GRB14: variants seen among roughly 807,000 people sequenced by gnomAD.
GRB14 encodes the protein growth factor receptor-bound protein 14.
Under a neutral mutation model 69.1 loss-of-function variants are expected in GRB14, and 38 were observed. The ratio of observed to expected loss-of-function variants is 0.55; its 90% CI spans 0.42 to 0.72. The LOEUF (loss-of-function observed/expected upper bound fraction) is 0.72. Among genes scored for constraint, GRB14 ranks in the 30% least tolerant of loss-of-function variants. The pLI, the probability that GRB14 is intolerant of heterozygous loss-of-function variation, is 0.00. For missense variants in GRB14, 666 were observed against 666.1 expected, an observed-to-expected ratio of 1.00 and a Z score of 0.00; for synonymous variants, 247 against 241.3, an observed-to-expected ratio of 1.02 and a Z score of -0.22.
In GRB14 at chr2:164,608,965, A is replaced by C. The variant is rs1690104164; in HGVS notation, c.324+10722T>G. ...AGAGTTTATCGTATGATTTGCCAAA[A>C]TAGTAAGTACAATATTGAATAACAC... is the stretch of plus-strand genomic sequence containing the variant. On this transcript the variant is annotated intron_variant, in intron 2 of 13. Coordinates refer to ENST00000263915, the MANE Select transcript of GRB14 (RefSeq NM_004490.3). Among the ~76,000 whole-genome samples, 5 of 152,378 alleles carry C rather than the reference A, an allele frequency of 3.3e-5. No individual in the cohort carries two copies. In the South Asian group the frequency reaches 1.0e-3, roughly 32 times the overall value.
chr2:164,611,518 G>A (rs1690166550), intron 2 of GRB14, among the ~76,000 whole-genome samples: 1 of 151,502 alleles, frequency 6.6e-6, no homozygotes, highest in Admixed American at 6.6e-5. Flanking sequence ...AGAATTCAGA[G>A]GTTACGACCA....
chr2:164,494,183 A>G (rs1686832757), intron 13 of GRB14, among the ~76,000 whole-genome samples: 1 of 152,194 alleles, frequency 6.6e-6, no homozygotes. Context: ...TCTATACAAT[A>G]TTGCTAAATC....
intron 8 of GRB14, among the ~76,000 whole-genome samples, chr2:164,503,045 G>A (rs953486738): frequency 2.0e-5 from 3 of 151,660 alleles, no homozygotes; most frequent in African/African-American, 7.3e-5. Context: ...AAACCGGTCT[G>A]GATTATAACT....
intron 6 of GRB14, 134 bp from the exon 7 acceptor site, chr2:164,508,986 G>A: frequency 4.5e-6 from 2 of 447,130 alleles, no homozygotes; most frequent in Non-Finnish European, 7.6e-6. Flanking sequence ...AAAATAAAAG[G>A]AGAAAAAAAA....
chr2:164,510,836 G>C (rs1294221864), intron 6 of GRB14, among the ~76,000 whole-genome samples: 2 of 152,134 alleles, frequency 1.3e-5, no homozygotes, highest in African/African-American at 2.4e-5. Context: ...TACTCCCTGG[G>C]GACTTCATAT....
intron 3 of GRB14, among the ~76,000 whole-genome samples, chr2:164,545,101 T>C (rs1009886695): frequency 2.6e-5 from 4 of 152,196 alleles, no homozygotes; most frequent in Non-Finnish European, 4.4e-5. Flanking sequence ...TGCTAGAAAG[T>C]AAATGACTCT....
chr2:164,608,540 T>C (rs1482368711), intron 2 of GRB14, among the ~76,000 whole-genome samples: 1 of 150,832 alleles, frequency 6.6e-6, no homozygotes, highest in East Asian at 1.9e-4. Context: ...TAACCCCTTA[T>C]ATATCCCAGT....
At chr2:164,514,538 C>T (rs941519121) in intron 6 of GRB14, among the ~76,000 whole-genome samples, 1 of 152,062 alleles carries the variant, frequency 6.6e-6, no homozygotes, top group African/African-American at 2.4e-5. Context: ...GCAGGAAGAG[C>T]CTGTGGGCAC....
At chr2:164,601,707 C>T (rs1689918084) in intron 2 of GRB14, among the ~76,000 whole-genome samples, 3 of 152,130 alleles carry the variant, frequency 2.0e-5, no homozygotes, top group South Asian at 2.1e-4. Flanking sequence ...ATCTTAGAAA[C>T]TGTGTCATCA....
chr2:164,520,553 A>T (rs1197760129), intron 6 of GRB14, among the ~76,000 whole-genome samples: 3 of 152,186 alleles, frequency 2.0e-5, no homozygotes, highest in African/African-American at 7.2e-5. Flanking sequence ...AGAAACACTC[A>T]TCAGAGTAAA....
At chr2:164,598,539 T>C (rs1177799057) in intron 2 of GRB14, among the ~76,000 whole-genome samples, 1 of 152,184 alleles carries the variant, frequency 6.6e-6, no homozygotes, top group Non-Finnish European at 1.5e-5. Flanking sequence ...TAGGACAAAA[T>C]TGTTGGGCAG....
intron 9 of GRB14, among the ~76,000 whole-genome samples, chr2:164,500,611 G>A (rs1468126018): frequency 6.6e-6 from 1 of 151,992 alleles, no homozygotes; most frequent in Non-Finnish European, 1.5e-5. Flanking sequence ...CAGATTCTAA[G>A]TTTCCTTCAT....
intron 2 of GRB14, among the ~76,000 whole-genome samples, chr2:164,618,287 T>C (rs1690359369): frequency 6.6e-6 from 1 of 151,124 alleles, no homozygotes; most frequent in South Asian, 2.1e-4. Context: ...TTTTTTTTTT[T>C]CCACTACCAT....
chr2:164,572,732 GA>G (rs1689152669), intron 2 of GRB14, among the ~76,000 whole-genome samples: 1 of 152,126 alleles, frequency 6.6e-6, no homozygotes, highest in African/African-American at 2.4e-5. Context: ...GAGGTTCCTT[GA>G]GGGCAGTGGC....
At chr2:164,617,966 G>A (rs1183760961) in intron 2 of GRB14, among the ~76,000 whole-genome samples, 2 of 137,260 alleles carry the variant, frequency 1.5e-5, no homozygotes, top group African/African-American at 2.5e-5. Flanking sequence ...TTTTGGGGGG[G>A]GGGGGGTAGT....
chr2:164,515,772 C>A (rs1687466207), intron 6 of GRB14, among the ~76,000 whole-genome samples: 1 of 141,904 alleles, frequency 7.0e-6, no homozygotes, highest in African/African-American at 2.6e-5. Context: ...ATCATGAAGG[C>A]ACCAGAGAAA....
At chr2:164,496,173 A>T (rs944869743) in intron 12 of GRB14, among the ~76,000 whole-genome samples, 2 of 152,208 alleles carry the variant, frequency 1.3e-5, no homozygotes, top group African/African-American at 4.8e-5. Flanking sequence ...ATCACCTTGA[A>T]ATCTTGTCAT....
chr2:164,558,766 T>C (rs1688747271), intron 2 of GRB14, among the ~76,000 whole-genome samples: 1 of 152,184 alleles, frequency 6.6e-6, no homozygotes, highest in Non-Finnish European at 1.5e-5. Flanking sequence ...GTGAAAAAGT[T>C]AAAAATTGAT....
intron 5 of GRB14, among the ~76,000 whole-genome samples, chr2:164,524,374 C>A (rs1313318203): frequency 6.6e-6 from 1 of 152,024 alleles, no homozygotes. Flanking sequence ...ATTGTAATGA[C>A]AATGTCTTTG....
Sources: gnomAD v4.1 joint callset for allele counts (sites outside exome capture counted in the v4.1 genomes callset) on GRCh38, gnomAD v4.1.1 for gene constraint, MANE v1.5 for transcripts, NCBI Gene and HGNC (gene_info 2026-07-23, HGNC 2026-07-21) for gene names.